RASAL2: variants seen among roughly 807,000 people sequenced by gnomAD.
RASAL2 encodes the protein RAS protein activator like 2.
Under a neutral mutation model 128.9 loss-of-function variants are expected in RASAL2, and 58 were observed. The ratio of observed to expected loss-of-function variants is 0.45; its 90% CI spans 0.36 to 0.56. RASAL2 has a LOEUF of 0.56. RASAL2 is among the 20% of genes least tolerant of loss of function. The pLI is 0.00. For missense variants in RASAL2, 1,360 were observed against 1,601.6 expected (o/e 0.85, Z 2.57); for synonymous variants, 561 against 580.8 (o/e 0.97, Z 0.49).
chr1:178,400,908 G>A (rs1320231521), intron 4 of RASAL2, among the ~76,000 whole-genome samples: 1 of 152,028 alleles, frequency 6.6e-6, no homozygotes, highest in Non-Finnish European at 1.5e-5. Context: ...ATGCCACCAC[G>A]CCTGGCTAAT....
chr1:178,466,836 A>T (rs1647755279), intron 16 of RASAL2, among the ~76,000 whole-genome samples: 1 of 152,202 alleles, frequency 6.6e-6, no homozygotes, highest in Non-Finnish European at 1.5e-5. Flanking sequence ...AATAGTGTGG[A>T]GGTAATTGAC....
At chr1:178,102,425 A>G (rs1300337899) in intron 1 of RASAL2, among the ~76,000 whole-genome samples, 2 of 152,200 alleles carry the variant, frequency 1.3e-5, no homozygotes, top group East Asian at 3.9e-4. Context: ...TGGCGCAATC[A>G]TAGCTTACAT....
rs1362993036 is a variant in RASAL2 at position 178,348,669 on chromosome 1, C to G, written c.458-41431C>G. ...GGAAAATATTCCTATTATAAGCGCT[C>G]CAGTTTGCAAACAAACAAAACAAAA... On this transcript the variant is annotated intron_variant, in intron 3 of 17. Coordinates refer to ENST00000367649, the MANE Select transcript of RASAL2 (RefSeq NM_170692.4). 2.0e-5 allele frequency among the ~76,000 whole-genome samples: 3 copies of G among 152,042 alleles called. No homozygotes were observed. The East Asian group carries it at 5.8e-4, about 29-fold the overall frequency.
intron 14 of RASAL2, among the ~76,000 whole-genome samples, chr1:178,461,104 G>A (rs189046155): frequency 2.6e-5 from 4 of 152,234 alleles, no homozygotes; most frequent in Admixed American, 2.0e-4. Context: ...GTGAGCCACC[G>A]TGCCTGGCCT....
At chr1:178,111,301 G>A (rs1343331255) in intron 1 of RASAL2, among the ~76,000 whole-genome samples, 1 of 152,138 alleles carries the variant, frequency 6.6e-6, no homozygotes, top group South Asian at 2.1e-4. Flanking sequence ...TAGAGACAGG[G>A]TTTTGCCATG....
chr1:178,283,313 C>G (rs919445700), intron 1 of RASAL2, among the ~76,000 whole-genome samples: 1 of 152,114 alleles, frequency 6.6e-6, no homozygotes. Context: ...GTGGTAATTA[C>G]TATGTAAAGT....
intron 3 of RASAL2, among the ~76,000 whole-genome samples, chr1:178,378,098 ATT>A (rs1392940598): frequency 6.6e-6 from 1 of 151,972 alleles, no homozygotes; most frequent in Non-Finnish European, 1.5e-5. Flanking sequence ...TATATCATAA[ATT>A]ATATATGAAA....
At chr1:178,173,839 G>A (rs1661789334) in intron 1 of RASAL2, among the ~76,000 whole-genome samples, 1 of 151,600 alleles carries the variant, frequency 6.6e-6, no homozygotes, top group Non-Finnish European at 1.5e-5. Context: ...CCTTTCACAT[G>A]ACAAGAGAGG....
intron 1 of RASAL2, among the ~76,000 whole-genome samples, chr1:178,214,766 G>A (rs983215630): frequency 1.3e-5 from 2 of 152,028 alleles, no homozygotes; most frequent in Admixed American, 6.6e-5. Context: ...CACTGTGTTA[G>A]CCACGATGGT....
intron 3 of RASAL2, among the ~76,000 whole-genome samples, chr1:178,351,445 A>G (rs1319790327): frequency 1.3e-5 from 2 of 152,188 alleles, no homozygotes; most frequent in African/African-American, 4.8e-5. Flanking sequence ...GTTACTTCCA[A>G]GATACAATGA....
chr1:178,389,809 A>G (rs1042315593), intron 3 of RASAL2, among the ~76,000 whole-genome samples: 2 of 152,228 alleles, frequency 1.3e-5, no homozygotes, highest in African/African-American at 4.8e-5. Context: ...GTGAGATGCA[A>G]CTATTAAGTG....
intron 1 of RASAL2, among the ~76,000 whole-genome samples, chr1:178,095,838 G>T (rs1416458425): frequency 1.3e-5 from 2 of 152,178 alleles, no homozygotes; most frequent in African/African-American, 4.8e-5. Context: ...ATTTGGGGCA[G>T]ATCGAGTCAC....
intron 15 of RASAL2, 100 bp downstream of exon 15, chr1:178,464,512 C>T (rs1433056564): frequency 2.2e-6 from 3 of 1,361,816 alleles, no homozygotes; most frequent in Admixed American, 4.0e-5. Flanking sequence ...CCCCCATCTT[C>T]ACCTCTACCC....
At chr1:178,178,316 A>C (rs1275827903) in intron 1 of RASAL2, among the ~76,000 whole-genome samples, 1 of 152,176 alleles carries the variant, frequency 6.6e-6, no homozygotes, top group Non-Finnish European at 1.5e-5. Flanking sequence ...GATAATCTGA[A>C]ATGAAGACCT....
At chr1:178,273,117 G>A (rs1250699956) in intron 1 of RASAL2, among the ~76,000 whole-genome samples, 1 of 152,156 alleles carries the variant, frequency 6.6e-6, no homozygotes, top group Non-Finnish European at 1.5e-5. Context: ...GTTCCCAATA[G>A]GATTGTATTT....
chr1:178,108,803 G>A (rs757806688), intron 1 of RASAL2, among the ~76,000 whole-genome samples: 7 of 152,096 alleles, frequency 4.6e-5, no homozygotes, highest in Non-Finnish European at 2.9e-5. Flanking sequence ...TGCTTGATAC[G>A]CTTTGGATGT....
intron 1 of RASAL2, among the ~76,000 whole-genome samples, chr1:178,208,538 C>T (rs150712262): frequency 9.9e-5 from 15 of 152,176 alleles, no homozygotes; most frequent in South Asian, 4.2e-4. Flanking sequence ...CCCTGTTCTC[C>T]GTTGTTTAAG....
intron 1 of RASAL2, among the ~76,000 whole-genome samples, chr1:178,245,504 T>C (rs1664729830): frequency 6.6e-6 from 1 of 152,216 alleles, no homozygotes; most frequent in African/African-American, 2.4e-5. Context: ...TTACAAAAAT[T>C]TTCTCCCGTT....
chr1:178,368,031 G>C (rs199887801), intron 3 of RASAL2, among the ~76,000 whole-genome samples: 3 of 152,094 alleles, frequency 2.0e-5, no homozygotes, highest in Non-Finnish European at 4.4e-5. Context: ...GGTTGTTTTT[G>C]TGCTATAACA....
Sources: allele counts gnomAD v4.1 joint callset (sites outside exome capture counted in the v4.1 genomes callset), GRCh38; gene constraint gnomAD v4.1.1; transcripts MANE v1.5; gene names NCBI Gene and HGNC (gene_info 2026-07-23, HGNC 2026-07-21).